The following RBFOX1 variants were observed in gnomAD, a reference collection of about 807,000 sequenced individuals.
The protein encoded by RBFOX1 is RNA binding protein fox-1 homolog 1.
A neutral mutation model predicts 57.7 loss-of-function variants in RBFOX1; 8 were observed. The ratio of observed to expected loss-of-function variants is 0.14; its 90% CI spans 0.08 to 0.25. RBFOX1 has a LOEUF of 0.25. Ranked by LOEUF, RBFOX1 falls within the 10% of genes least tolerant of loss-of-function variation. RBFOX1 has a pLI of 1.00. For synonymous variants in RBFOX1, 326 were observed against 222.4 expected, an observed-to-expected ratio of 1.47 and a Z score of -4.15; for missense variants, 611 against 548.5, an observed-to-expected ratio of 1.11 and a Z score of -1.14.
intron 2 of RBFOX1, among the ~76,000 whole-genome samples, chr16:6,448,133 C>A (rs372309224): frequency 6.4e-5 from 6 of 93,476 alleles, no homozygotes; most frequent in African/African-American, 2.1e-4. Flanking sequence ...AGACATTTTT[C>A]TTTTTTTTCT....
chr16:5,351,229 A>C (rs896967259), intron 1 of RBFOX1, among the ~76,000 whole-genome samples: 12 of 152,218 alleles, frequency 7.9e-5, no homozygotes, highest in Non-Finnish European at 1.8e-4. Context: ...TGCCTGAAGC[A>C]CTTTGCAGGA....
At chr16:6,808,206 A>G (rs1439882336) in intron 3 of RBFOX1, among the ~76,000 whole-genome samples, 7 of 149,918 alleles carry the variant, frequency 4.7e-5, no homozygotes, top group Admixed American at 4.0e-4. Context: ...ATATAGTTCT[A>G]TTGAAGTATG....
At chr16:5,671,517 A>T (rs962179528) in intron 3 of RBFOX1, among the ~76,000 whole-genome samples, 2 of 152,222 alleles carry the variant, frequency 1.3e-5, no homozygotes, top group Non-Finnish European at 2.9e-5. Context: ...GAGGAGAAAA[A>T]CAATAGTATT....
chr16:6,827,115 C>G (rs2092250627), intron 3 of RBFOX1, among the ~76,000 whole-genome samples: 1 of 152,100 alleles, frequency 6.6e-6, no homozygotes, highest in African/African-American at 2.4e-5. Flanking sequence ...GTCCTTTAAT[C>G]TAACACCAGT....
At chr16:5,482,068 G>C (rs2069562757) in intron 2 of RBFOX1, among the ~76,000 whole-genome samples, 1 of 152,176 alleles carries the variant, frequency 6.6e-6, no homozygotes, top group Non-Finnish European at 1.5e-5. Flanking sequence ...CAGGGACCCT[G>C]TCCAAGTAAG....
At chr16:6,060,117 T>A (rs1034605738) in intron 1 of RBFOX1, among the ~76,000 whole-genome samples, 1 of 132,886 alleles carries the variant, frequency 7.5e-6, no homozygotes. Flanking sequence ...AAAATTAGGA[T>A]TAGGGTTTTT....
intron 1 of RBFOX1, among the ~76,000 whole-genome samples, chr16:5,395,785 G>T (rs1415882459): frequency 6.6e-6 from 1 of 152,366 alleles, no homozygotes; most frequent in African/African-American, 2.4e-5. Flanking sequence ...TGACAGTGAA[G>T]AAGCAGGCAT....
intron 3 of RBFOX1, among the ~76,000 whole-genome samples, chr16:6,965,610 G>A (rs2083966443): frequency 6.6e-6 from 1 of 152,168 alleles, no homozygotes; most frequent in African/African-American, 2.4e-5. Flanking sequence ...GTGCTGAGAT[G>A]ACAGGCATGA....
chr16:7,684,302 T>C (rs573599025), intron 14 of RBFOX1, among the ~76,000 whole-genome samples: 2 of 152,198 alleles, frequency 1.3e-5, no homozygotes, highest in East Asian at 3.9e-4. Context: ...TCATATTTAA[T>C]TAACATATGA....
chr16:6,485,310 A>C (rs917648), intron 2 of RBFOX1, among the ~76,000 whole-genome samples: 21,322 of 152,116 alleles, frequency 0.14, 2,379 homozygotes, highest in East Asian at 0.49. Flanking sequence ...GGAATGAGGT[A>C]GGGGGACATG....
chr16:5,367,885 C>T (rs796340350), intron 1 of RBFOX1, among the ~76,000 whole-genome samples: 6 of 152,302 alleles, frequency 3.9e-5, no homozygotes, highest in African/African-American at 1.4e-4. Flanking sequence ...CGTATTTGCT[C>T]TTTAAATGAC....
chr16:6,272,364 A>G (rs926640704), intron 1 of RBFOX1, among the ~76,000 whole-genome samples: 2 of 152,204 alleles, frequency 1.3e-5, no homozygotes, highest in Admixed American at 6.5e-5. Context: ...ATGCAATGTC[A>G]TGTACAATGA....
chr16:6,020,103 C>G, intron 1 of RBFOX1, 111 bp downstream of exon 1: 3 of 1,228,934 alleles, frequency 2.4e-6, no homozygotes, highest in Non-Finnish European at 3.2e-6. Context: ...CTCCTCCTAG[C>G]GCCAGTCTGG....
intron 14 of RBFOX1, among the ~76,000 whole-genome samples, chr16:7,700,818 G>C (rs571370244): frequency 6.6e-6 from 1 of 151,504 alleles, no homozygotes; most frequent in Non-Finnish European, 1.5e-5. Flanking sequence ...TTTCAGAATA[G>C]GAAGAGGTTT....
At chr16:7,519,977 C>A (rs1297444933) in intron 5 of RBFOX1, among the ~76,000 whole-genome samples, 4 of 152,134 alleles carry the variant, frequency 2.6e-5, no homozygotes, top group Non-Finnish European at 5.9e-5. Flanking sequence ...GCTCCACCTC[C>A]CAGGTTCACG....
At chr16:6,606,595 C>G (rs1001858370) in intron 2 of RBFOX1, among the ~76,000 whole-genome samples, 1 of 152,124 alleles carries the variant, frequency 6.6e-6, no homozygotes, top group African/African-American at 2.4e-5. Context: ...CAGCTCCCAC[C>G]TGGAAGTGAG....
At chr16:5,923,877 C>G (rs892946623) in intron 4 of RBFOX1, among the ~76,000 whole-genome samples, 1 of 152,144 alleles carries the variant, frequency 6.6e-6, no homozygotes, top group Non-Finnish European at 1.5e-5. Context: ...ACTTCCTGTC[C>G]TTTCCCTAAT....
intron 14 of RBFOX1, among the ~76,000 whole-genome samples, chr16:7,706,264 A>G (rs1423629141): frequency 2.6e-5 from 4 of 152,202 alleles, no homozygotes; most frequent in African/African-American, 9.6e-5. Flanking sequence ...GGGGAAATGA[A>G]ATTTATTAAT....
intron 3 of RBFOX1, among the ~76,000 whole-genome samples, chr16:5,661,625 G>T (rs1020593986): frequency 1.3e-5 from 2 of 152,182 alleles, no homozygotes; most frequent in Non-Finnish European, 2.9e-5. Context: ...TTGTGTAAAT[G>T]AGTATGACAA....
Sources: gnomAD v4.1 joint callset for allele counts (sites outside exome capture counted in the v4.1 genomes callset) on GRCh38, gnomAD v4.1.1 for gene constraint, MANE v1.5 for transcripts, NCBI Gene and HGNC (gene_info 2026-07-23, HGNC 2026-07-21) for gene names.